RAB8B: variants seen among roughly 807,000 people sequenced by gnomAD.
RAB8B encodes the protein RAB8B, member RAS oncogene family.
Under a neutral mutation model 32.0 loss-of-function variants are expected in RAB8B, and 11 were observed. That is an observed-to-expected ratio of 0.34 (90% CI 0.22 to 0.57). RAB8B has a LOEUF of 0.57. Among genes scored for constraint, RAB8B ranks in the 20% least tolerant of loss-of-function variants. The pLI is 0.86. For synonymous variants in RAB8B, 103 were observed against 89.6 expected (o/e 1.15, Z -0.85); for missense variants, 190 against 258.5 (o/e 0.73, Z 1.82).
chr15:63,224,273 C>T (rs902248944), intron 1 of RAB8B, among the ~76,000 whole-genome samples: 4 of 152,076 alleles, frequency 2.6e-5, no homozygotes, highest in Non-Finnish European at 5.9e-5. Flanking sequence ...AATATTCATC[C>T]CATGTTGGAA....
chr15:63,249,022 A>C lies in RAB8B; in HGVS notation c.186-623A>C, dbSNP rs115042722. Among the ~76,000 whole-genome samples, 410 of 152,336 alleles carry C rather than the reference A, an allele frequency of 2.7e-3. 3 individuals carry two copies. Among genetic ancestry groups the C allele is most frequent in the African/African-American group, 8.1e-3 (337 of 41,580 alleles). On this transcript the variant is annotated intron_variant, in intron 2 of 7. Coordinates refer to ENST00000321437, the MANE Select transcript of RAB8B (RefSeq NM_016530.3). ...GTATGCCATCAGCTAAAAAGCAAAA[A>C]TATATGAAAGTTTATATAGTTTTGA...
chr15:63,203,861 T>C (rs1004203404), intron 1 of RAB8B, among the ~76,000 whole-genome samples: 5 of 152,158 alleles, frequency 3.3e-5, no homozygotes, highest in Non-Finnish European at 5.9e-5. Flanking sequence ...CTCAGAAGTA[T>C]TTTTTCTGAT....
intron 1 of RAB8B, chr15:63,223,204 C>T (rs376548928): frequency 8.0e-5 from 29 of 363,140 alleles, no homozygotes; most frequent in South Asian, 2.3e-4. Flanking sequence ...CTCCACCTCC[C>T]GGGTTCAAGC....
intron 1 of RAB8B, among the ~76,000 whole-genome samples, chr15:63,202,240 T>C (rs2037658820): frequency 6.6e-6 from 1 of 150,602 alleles, no homozygotes; most frequent in Non-Finnish European, 1.5e-5. Flanking sequence ...ATCGCGCCAC[T>C]GCACTCCAGC....
In RAB8B at chr15:63,259,012, C is replaced by A. The variant is rs1168631154; in HGVS notation, c.415-615C>A. Among the ~76,000 whole-genome samples the A allele has an allele frequency of 6.6e-6, 1 of 152,012 alleles. No homozygotes were observed. Among genetic ancestry groups the A allele is most frequent in the Admixed American group, 6.6e-5 (1 of 15,264 alleles). On this transcript the variant is annotated intron_variant, in intron 5 of 7. Coordinates refer to ENST00000321437, the MANE Select transcript of RAB8B (RefSeq NM_016530.3). The surrounding 1 kb of genome is among the most constrained non-coding windows in gnomAD (Gnocchi z 4.4). ...TGAATTGGCCTTAGGTTCCCTGCCT[C>A]CAGACCCTATTCTGCTACCTTAGGA...
intron 2 of RAB8B, among the ~76,000 whole-genome samples, chr15:63,246,467 ACC>A (rs142695323): frequency 0.05 from 7,670 of 152,172 alleles, 584 homozygotes; most frequent in African/African-American, 0.17. Context: ...ATTTATGTTT[ACC>A]CATTTATTAT....
intron 1 of RAB8B, among the ~76,000 whole-genome samples, chr15:63,219,603 A>G (rs1043183595): frequency 1.3e-5 from 2 of 152,218 alleles, no homozygotes; most frequent in Non-Finnish European, 2.9e-5. Flanking sequence ...AAGTATGTAT[A>G]TATGTGGAAT....
intron 1 of RAB8B, among the ~76,000 whole-genome samples, chr15:63,235,291 A>G (rs1267825154): frequency 6.6e-6 from 1 of 152,110 alleles, no homozygotes; most frequent in Admixed American, 6.5e-5. Flanking sequence ...TTTATACTGT[A>G]TTGAATAAGA....
At chr15:63,218,010 A>T (rs1254883699) in intron 1 of RAB8B, among the ~76,000 whole-genome samples, 2 of 152,142 alleles carry the variant, frequency 1.3e-5, no homozygotes, top group African/African-American at 4.8e-5. Flanking sequence ...TGTCTTTCTT[A>T]TTTAAAAGGA....
chr15:63,236,854 C>G (rs1433450236), intron 1 of RAB8B, among the ~76,000 whole-genome samples: 1 of 152,072 alleles, frequency 6.6e-6, no homozygotes, highest in African/African-American at 2.4e-5. Flanking sequence ...AGGTCTTATT[C>G]TAACTATTTT....
At chr15:63,235,002 C>T (rs1161258983) in intron 1 of RAB8B, among the ~76,000 whole-genome samples, 1 of 152,100 alleles carries the variant, frequency 6.6e-6, no homozygotes, top group African/African-American at 2.4e-5. Context: ...GCATTCCTTG[C>T]CACCCCACTT....
intron 1 of RAB8B, among the ~76,000 whole-genome samples, chr15:63,236,995 C>T (rs780797496): frequency 1.3e-5 from 2 of 152,120 alleles, no homozygotes; most frequent in South Asian, 2.1e-4. Context: ...TTAGAACATG[C>T]GAAGTTTGTC....
At chr15:63,247,646 A>T (rs958651442) in intron 2 of RAB8B, among the ~76,000 whole-genome samples, 3 of 152,268 alleles carry the variant, frequency 2.0e-5, no homozygotes, top group Admixed American at 1.3e-4. Context: ...CAAAACGTAG[A>T]ATTCAGAGCA....
intron 3 of RAB8B, among the ~76,000 whole-genome samples, chr15:63,255,176 C>G (rs548595383): frequency 4.6e-5 from 7 of 152,114 alleles, no homozygotes; most frequent in Admixed American, 3.9e-4. Context: ...TCAATGTTAT[C>G]GCTGTTTTGA....
chr15:63,224,673 G>C (rs1235361986), intron 1 of RAB8B, among the ~76,000 whole-genome samples: 1 of 152,194 alleles, frequency 6.6e-6, no homozygotes, highest in Non-Finnish European at 1.5e-5. Context: ...CATACTCAGA[G>C]GCTCAAAGAA....
intron 2 of RAB8B, among the ~76,000 whole-genome samples, chr15:63,247,898 A>G (rs922243336): frequency 6.6e-6 from 1 of 152,204 alleles, no homozygotes; most frequent in Non-Finnish European, 1.5e-5. Context: ...AGTGGTTTCC[A>G]GTGTACTTCA....
intron 1 of RAB8B, among the ~76,000 whole-genome samples, chr15:63,207,417 C>T (rs1403331873): frequency 1.3e-5 from 2 of 152,200 alleles, no homozygotes; most frequent in African/African-American, 4.8e-5. Context: ...GTGTGCATCC[C>T]ACCCCACGGT....
rs544076029 is a variant in RAB8B at position 63,260,110 on chromosome 15, G to A, written c.480+418G>A. ...GGCCTCCCAAAGTGCTGGAATTACA[G>A]GCGTGAGCCACCATACCCAGCTGCT... On this transcript the variant is annotated intron_variant, in intron 6 of 7. Transcript: ENST00000321437. Among the ~76,000 whole-genome samples, 6 of 152,282 alleles carry A rather than the reference G, an allele frequency of 3.9e-5. No homozygotes were observed. In the East Asian group the frequency reaches 1.2e-3, roughly 29 times the overall value.
chr15:63,240,888 C>T (rs979014454), intron 1 of RAB8B, among the ~76,000 whole-genome samples: 10 of 151,410 alleles, frequency 6.6e-5, no homozygotes, highest in African/African-American at 2.2e-4. Flanking sequence ...TTTAAGGAGC[C>T]TCAAATTGGC....
Sources: allele counts gnomAD v4.1 joint callset (sites outside exome capture counted in the v4.1 genomes callset), GRCh38; gene constraint gnomAD v4.1.1; non-coding constraint Gnocchi (gnomAD v3.1); transcripts MANE v1.5; gene names NCBI Gene and HGNC (gene_info 2026-07-23, HGNC 2026-07-21).